PDE4B: variants seen among roughly 807,000 people sequenced by gnomAD.
PDE4B encodes phosphodiesterase 4B, also known as 3',5'-cyclic-AMP phosphodiesterase 4B.
PDE4B carries 20 observed loss-of-function variants against 82.2 expected under a neutral mutation model. The observed-to-expected ratio is 0.24, with a 90% CI of 0.17 to 0.35. PDE4B has a LOEUF of 0.35. Ranked by LOEUF, PDE4B falls within the 10% of genes least tolerant of loss-of-function variation. The pLI is 1.00. For missense variants in PDE4B, 655 were observed against 907.2 expected (o/e 0.72, Z 3.57); for synonymous variants, 320 against 318.9 (o/e 1.00, Z -0.04).
At chr1:65,929,546 C>T (rs1647712875) in intron 3 of PDE4B, among the ~76,000 whole-genome samples, 1 of 152,196 alleles carries the variant, frequency 6.6e-6, no homozygotes, top group Admixed American at 6.5e-5. Context: ...CCCGCTCTTT[C>T]TCTATAGGAA....
chr1:66,157,251 T>C (rs1284674939), intron 3 of PDE4B, among the ~76,000 whole-genome samples: 1 of 152,176 alleles, frequency 6.6e-6, no homozygotes, highest in East Asian at 1.9e-4. Context: ...ATCTGACTAG[T>C]TATTACTACC....
chr1:66,136,345 A>G (rs573586813), intron 3 of PDE4B, among the ~76,000 whole-genome samples: 1 of 152,368 alleles, frequency 6.6e-6, no homozygotes, highest in South Asian at 2.1e-4. Context: ...GAATTGTTCA[A>G]TTAGAAGTGG....
intron 3 of PDE4B, among the ~76,000 whole-genome samples, chr1:66,217,867 C>A (rs756661745): frequency 6.6e-6 from 1 of 151,944 alleles, no homozygotes; most frequent in Non-Finnish European, 1.5e-5. Flanking sequence ...AAAAGTGGGG[C>A]TGGAAAAGTA....
intron 3 of PDE4B, among the ~76,000 whole-genome samples, chr1:66,000,909 A>G (rs1377034914): frequency 6.6e-6 from 1 of 152,188 alleles, no homozygotes; most frequent in African/African-American, 2.4e-5. Context: ...CTCGAAAAAG[A>G]GGGTGGTGAT....
chr1:65,959,114 T>C (rs561251933), intron 3 of PDE4B, among the ~76,000 whole-genome samples: 4 of 152,336 alleles, frequency 2.6e-5, no homozygotes, highest in South Asian at 2.1e-4. Flanking sequence ...ACAGCACATC[T>C]CTTTCAAATG....
At chr1:66,266,836 T>A in intron 7 of PDE4B, 1 of 388,782 alleles carries the variant, frequency 2.6e-6, no homozygotes, top group Non-Finnish European at 5.2e-6. Context: ...CCTAAATCTG[T>A]TCCCTACTAA....
intron 9 of PDE4B, among the ~76,000 whole-genome samples, chr1:66,356,052 G>C (rs931699311): frequency 1.3e-5 from 2 of 152,192 alleles, no homozygotes; most frequent in African/African-American, 4.8e-5. Context: ...GTTTTGTAGG[G>C]GATATGGTTG....
At chr1:66,164,755 C>CTT (rs145224852) in intron 3 of PDE4B, among the ~76,000 whole-genome samples, 18 of 87,870 alleles carry the variant, frequency 2.0e-4, no homozygotes, top group Non-Finnish European at 2.9e-4. Flanking sequence ...CTTTTCTTTT[C>CTT]TTTTTTTTTT....
chr1:66,142,591 C>T (rs1261423169), intron 3 of PDE4B, among the ~76,000 whole-genome samples: 1 of 152,030 alleles, frequency 6.6e-6, no homozygotes, highest in Non-Finnish European at 1.5e-5. Context: ...AATAACCCTA[C>T]TGTTAGGAGG....
chr1:65,981,854 G>C lies in PDE4B; in HGVS notation c.281+63019G>C, dbSNP rs565202512. Among the ~76,000 whole-genome samples, 10 of 152,108 alleles carry C rather than the reference G, an allele frequency of 6.6e-5. No homozygotes were observed. The South Asian group carries it at 2.1e-3, about 32-fold the overall frequency. On this transcript the variant is annotated intron_variant, in intron 3 of 16. Coordinates refer to ENST00000341517, the MANE Select transcript of PDE4B (RefSeq NM_002600.4). ...CTCTTTCTGCCTTCCCCCCAAGAAA[G>C]GGCTGGAACTGATTCTTTTCTCATA...
intron 1 of PDE4B, among the ~76,000 whole-genome samples, chr1:65,880,899 C>T (rs1001441330): frequency 2.0e-5 from 3 of 152,134 alleles, no homozygotes; most frequent in South Asian, 4.1e-4. Flanking sequence ...CTCTCTTTCT[C>T]CTTCCTAGGC....
At chr1:66,016,492 T>C (rs1342285172) in intron 3 of PDE4B, among the ~76,000 whole-genome samples, 1 of 152,202 alleles carries the variant, frequency 6.6e-6, no homozygotes, top group African/African-American at 2.4e-5. Context: ...TCCTCTTCAA[T>C]GTAACCTTCT....
intron 3 of PDE4B, among the ~76,000 whole-genome samples, chr1:66,103,406 A>G (rs1645265174): frequency 6.6e-6 from 1 of 151,986 alleles, no homozygotes; most frequent in Admixed American, 6.6e-5. Context: ...TTCCTATTAT[A>G]TGTCTTAATC....
chr1:66,073,684 G>T (rs1656275927), intron 3 of PDE4B, among the ~76,000 whole-genome samples: 1 of 152,062 alleles, frequency 6.6e-6, no homozygotes, highest in Admixed American at 6.6e-5. Context: ...CAGATAACAT[G>T]CTTCTCTCCA....
intron 3 of PDE4B, among the ~76,000 whole-genome samples, chr1:66,116,539 A>G (rs1423427359): frequency 6.6e-6 from 1 of 152,164 alleles, no homozygotes; most frequent in African/African-American, 2.4e-5. Context: ...GAGGGTGTCA[A>G]CATCCGGAGG....
At position 65,891,416 on chromosome 1, in the gene PDE4B, A is replaced by G. The variant is rs143171798; in HGVS notation, c.-70-21829A>G. Among the ~76,000 whole-genome samples the G allele has an allele frequency of 2.0e-4, 30 of 152,198 alleles. No homozygotes were observed. The East Asian group carries it at 5.8e-3, about 29-fold the overall frequency. On this transcript the variant is annotated intron_variant, in intron 1 of 16. Transcript: ENST00000341517. ...TACTTCTTTCTTTGGTAGTTCAACT[A>G]GTACTTTTTATAGCCCTTATAAAGT... is the stretch of plus-strand genomic sequence containing the variant.
chr1:66,022,987 C>A (rs151028163), intron 3 of PDE4B, among the ~76,000 whole-genome samples: 1 of 152,006 alleles, frequency 6.6e-6, no homozygotes, highest in Non-Finnish European at 1.5e-5. Context: ...ATTTCAGAAC[C>A]TGTTATTGGT....
intron 1 of PDE4B, among the ~76,000 whole-genome samples, chr1:65,793,825 T>TG (rs1439034252): frequency 6.6e-6 from 1 of 152,200 alleles, no homozygotes; most frequent in Non-Finnish European, 1.5e-5. Context: ...AAGAGTGTGT[T>TG]GGGGAAGGAA....
At chr1:65,892,606 C>T (rs536459717) in intron 1 of PDE4B, among the ~76,000 whole-genome samples, 32 of 152,052 alleles carry the variant, frequency 2.1e-4, no homozygotes, top group Non-Finnish European at 3.8e-4. Context: ...AACCCCAGTC[C>T]CTGCTTCTCC....
Sources: gnomAD v4.1 joint callset for allele counts (sites outside exome capture counted in the v4.1 genomes callset) on GRCh38, gnomAD v4.1.1 for gene constraint, MANE v1.5 for transcripts, NCBI Gene and HGNC (gene_info 2026-07-23, HGNC 2026-07-21) for gene names.